Variants in MBD5 observed in about 807,000 individuals in gnomAD.
MBD5 encodes the protein methyl-CpG-binding domain protein 5.
Under a neutral mutation model 117.3 loss-of-function variants are expected in MBD5, and 13 were observed. That is an observed-to-expected ratio of 0.11 (90% confidence interval 0.07 to 0.18). The LOEUF (loss-of-function observed/expected upper bound fraction) is 0.18. Among genes scored for constraint, MBD5 ranks in the 10% least tolerant of loss-of-function variants. The pLI, the probability that MBD5 is intolerant of heterozygous loss-of-function variation, is 1.00. For missense variants in MBD5, 1,879 were observed against 2,093.8 expected, an observed-to-expected ratio of 0.90 and a Z score of 2.00; for synonymous variants, 727 against 766.4, an observed-to-expected ratio of 0.95 and a Z score of 0.85.
At chr2:148,196,106 C>G (rs1698981101) in intron 2 of MBD5, 1 of 152,162 alleles carries the variant, frequency 6.6e-6, no homozygotes, top group Non-Finnish European at 1.5e-5. Flanking sequence ...CACTTATCCT[C>G]TTACATGACG....
At chr2:148,143,915 G>A (rs1196422804) in intron 1 of MBD5, among the ~76,000 whole-genome samples, 15 of 151,906 alleles carry the variant, frequency 9.9e-5, no homozygotes, top group South Asian at 4.2e-4. Context: ...ATAAACATAC[G>A]TGTGCATGTG....
intron 4 of MBD5, among the ~76,000 whole-genome samples, chr2:148,402,763 A>T (rs187015870): frequency 6.6e-6 from 1 of 152,242 alleles, no homozygotes; most frequent in Admixed American, 6.5e-5. Context: ...TTATCTATTG[A>T]CTTGTTGATG....
chr2:148,274,856 G>A (rs1404366204), intron 3 of MBD5, among the ~76,000 whole-genome samples: 1 of 151,912 alleles, frequency 6.6e-6, no homozygotes, highest in Non-Finnish European at 1.5e-5. Flanking sequence ...TCAAGTAGCT[G>A]GGATTATAGG....
intron 2 of MBD5, among the ~76,000 whole-genome samples, chr2:148,221,352 C>G (rs758805742): frequency 6.6e-6 from 1 of 152,074 alleles, no homozygotes; most frequent in African/African-American, 2.4e-5. Flanking sequence ...AGACTGTTCT[C>G]CATAGTGCTT....
intron 4 of MBD5, among the ~76,000 whole-genome samples, chr2:148,406,819 TTCC>T (rs1375970753): frequency 6.6e-6 from 1 of 152,200 alleles, no homozygotes; most frequent in African/African-American, 2.4e-5. Context: ...CCTGATTCTC[TTCC>T]TACGGTCAGC....
chr2:148,325,738 T>C (rs1277209109), intron 3 of MBD5, among the ~76,000 whole-genome samples: 1 of 152,180 alleles, frequency 6.6e-6, no homozygotes, highest in African/African-American at 2.4e-5. Flanking sequence ...TTTTCTTTAT[T>C]AGTCTTGCTA....
At chr2:148,401,900 A>C (rs1021802671) in intron 4 of MBD5, among the ~76,000 whole-genome samples, 1 of 152,006 alleles carries the variant, frequency 6.6e-6, no homozygotes, top group Non-Finnish European at 1.5e-5. Flanking sequence ...TGACCTTGAC[A>C]CTTTCAGTAC....
intron 2 of MBD5, among the ~76,000 whole-genome samples, chr2:148,214,040 T>C (rs1699492998): frequency 6.6e-6 from 1 of 152,218 alleles, no homozygotes; most frequent in Non-Finnish European, 1.5e-5. Flanking sequence ...TTGCCTCAGG[T>C]GCTTTCAAAT....
At chr2:148,064,524 T>A (rs778338659) in intron 1 of MBD5, among the ~76,000 whole-genome samples, 1 of 152,162 alleles carries the variant, frequency 6.6e-6, no homozygotes, top group Non-Finnish European at 1.5e-5. Context: ...CAAAGCTATA[T>A]TCTTCTTCAT....
chr2:148,237,028 A>G (rs974099931), intron 3 of MBD5, among the ~76,000 whole-genome samples: 4 of 152,316 alleles, frequency 2.6e-5, no homozygotes, highest in East Asian at 3.9e-4. Flanking sequence ...GCTAGTGTCA[A>G]ACTTTTCTTC....
intron 2 of MBD5, among the ~76,000 whole-genome samples, chr2:148,187,588 C>A (rs989869923): frequency 1.3e-5 from 2 of 151,618 alleles, no homozygotes; most frequent in African/African-American, 4.9e-5. Flanking sequence ...AAATGCAAAA[C>A]AAAAATGAAC....
At chr2:148,444,813 C>T (rs1300805212) in intron 4 of MBD5, among the ~76,000 whole-genome samples, 3 of 150,986 alleles carry the variant, frequency 2.0e-5, no homozygotes, top group African/African-American at 7.4e-5. Flanking sequence ...CCCCACCCCT[C>T]TGCTCCCCAG....
At chr2:148,160,821 T>G (rs1242163224) in intron 1 of MBD5, among the ~76,000 whole-genome samples, 1 of 152,214 alleles carries the variant, frequency 6.6e-6, no homozygotes, top group African/African-American at 2.4e-5. Flanking sequence ...AATCCTTCCC[T>G]CCTTTTAGCT....
intron 1 of MBD5, among the ~76,000 whole-genome samples, chr2:148,029,752 AC>A (rs1411756419): frequency 2.0e-5 from 3 of 152,080 alleles, no homozygotes; most frequent in African/African-American, 7.2e-5. Context: ...TTCTTTTTTT[AC>A]GAAACCAAAT....
At chr2:148,081,477 T>C (rs2105160576) in intron 1 of MBD5, among the ~76,000 whole-genome samples, 1 of 152,268 alleles carries the variant, frequency 6.6e-6, no homozygotes, top group East Asian at 1.9e-4. Context: ...ACTAGAGAAA[T>C]ATTAAACTTT....
chr2:148,365,559 A>G (rs568293818), intron 4 of MBD5, among the ~76,000 whole-genome samples: 4 of 152,206 alleles, frequency 2.6e-5, no homozygotes, highest in Non-Finnish European at 5.9e-5. Flanking sequence ...TGAAAAGATT[A>G]ACAAAATACA....
intron 4 of MBD5, among the ~76,000 whole-genome samples, chr2:148,416,550 A>G (rs2105225279): frequency 6.6e-6 from 1 of 152,228 alleles, no homozygotes; most frequent in Non-Finnish European, 1.5e-5. Flanking sequence ...AGGTAGTGTA[A>G]ATATTTATGT....
In MBD5 at chr2:148,471,545, A is replaced by G. The variant is rs116264988; in HGVS notation, c.2518+1084A>G. 170 of 152,268 alleles carry G rather than the reference A, an allele frequency of 1.1e-3. 1 individual carries two copies. The highest frequency in any genetic ancestry group is 3.7e-3 in the African/African-American group (155 of 41,580). 9.4% of individuals were successfully genotyped at this position (152,268 alleles called of 1,614,324 possible). A position where few individuals can be genotyped will look rare whatever the true frequency, so the allele number is the denominator to read the frequency against. Reference sequence around the variant, plus strand: ...TAATAAGCTAGTGTGTAGGTATAATACCGTCATGCTGGAGAAGCATTCTAA... The same window carrying G: ...TAATAAGCTAGTGTGTAGGTATAATGCCGTCATGCTGGAGAAGCATTCTAA... On this transcript the variant is annotated intron_variant, in intron 8 of 13. Transcript: ENST00000642680.
At chr2:148,166,183 C>T (rs945475582) in intron 1 of MBD5, among the ~76,000 whole-genome samples, 7 of 151,994 alleles carry the variant, frequency 4.6e-5, no homozygotes, top group Admixed American at 6.6e-5. Flanking sequence ...TTTTGATTTG[C>T]GAGTTATTGC....
Sources: gnomAD v4.1 joint callset for allele counts (sites outside exome capture counted in the v4.1 genomes callset) on GRCh38, gnomAD v4.1.1 for gene constraint, MANE v1.5 for transcripts, NCBI Gene and HGNC (gene_info 2026-07-23, HGNC 2026-07-21) for gene names.